Variants in DIAPH2 observed in about 807,000 individuals in gnomAD.
DIAPH2 encodes protein diaphanous homolog 2.
In DIAPH2, 35 loss-of-function variants were observed where a neutral mutation model predicts 92.7. The ratio of observed to expected loss-of-function variants is 0.38; its 90% CI spans 0.29 to 0.50. DIAPH2 has a LOEUF of 0.50. Among genes scored for constraint, DIAPH2 ranks in the 20% least tolerant of loss-of-function variants. The pLI, the probability that DIAPH2 is intolerant of heterozygous loss-of-function variation, is 0.94. For missense variants in DIAPH2, 701 were observed against 819.5 expected (o/e 0.86, Z 1.77); for synonymous variants, 301 against 280.4 (o/e 1.07, Z -0.73).
intron 26 of DIAPH2, among the ~76,000 whole-genome samples, chrX:97,445,987 T>C (rs1384614671): frequency 9.2e-6 from 1 of 109,153 alleles, no homozygotes. Flanking sequence ...ATTGTTCTAA[T>C]CTTGGTGGGG....
At chrX:97,569,785 T>C (rs2071351885) in intron 26 of DIAPH2, among the ~76,000 whole-genome samples, 1 of 109,284 alleles carries the variant, frequency 9.2e-6, no homozygotes, top group South Asian at 3.9e-4. Flanking sequence ...AAATATATAA[T>C]TTATCAAAGC....
At chrX:97,042,199 T>C (rs1302009233) in intron 17 of DIAPH2, among the ~76,000 whole-genome samples, 2 of 112,075 alleles carry the variant, frequency 1.8e-5, no homozygotes, top group Non-Finnish European at 1.9e-5. Context: ...AGAGACCAAG[T>C]TGAAGTTCTT....
chrX:96,880,884 A>G (rs1390045335), intron 4 of DIAPH2, among the ~76,000 whole-genome samples: 1 of 111,619 alleles, frequency 9.0e-6, no homozygotes, highest in Non-Finnish European at 1.9e-5. Flanking sequence ...CTGTGATGAG[A>G]TGAGTTCTAG....
intron 4 of DIAPH2, among the ~76,000 whole-genome samples, chrX:96,819,178 G>A (rs1186310911): frequency 8.9e-6 from 1 of 111,984 alleles, no homozygotes; most frequent in Non-Finnish European, 1.9e-5. Flanking sequence ...AGGACAGTGT[G>A]CACTGTTATT....
At chrX:96,854,727 G>T (rs1209052312) in intron 4 of DIAPH2, among the ~76,000 whole-genome samples, 1 of 101,946 alleles carries the variant, frequency 9.8e-6, no homozygotes, top group African/African-American at 3.5e-5. Flanking sequence ...GAGAGGATTT[G>T]TATGCCAGGT....
intron 1 of DIAPH2, among the ~76,000 whole-genome samples, chrX:96,722,960 A>G (rs1045350765): frequency 1.2e-4 from 13 of 111,893 alleles, no homozygotes; most frequent in African/African-American, 1.6e-4. Context: ...TTATGTTTGT[A>G]GCTTTGAGTC....
chrX:97,533,272 A>G (rs183361740), intron 26 of DIAPH2: 4 of 111,327 alleles, frequency 3.6e-5, no homozygotes, highest in Admixed American at 9.6e-5. Flanking sequence ...CATCTAATCA[A>G]CCATCCATGT....
intron 23 of DIAPH2, among the ~76,000 whole-genome samples, chrX:97,297,331 C>T (rs952534576): frequency 1.8e-5 from 2 of 109,548 alleles, no homozygotes; most frequent in Admixed American, 1.0e-4. Flanking sequence ...CGCAGAGTTG[C>T]TTCATTTTAA....
At chrX:97,238,499 G>A (rs969927638) in intron 22 of DIAPH2, among the ~76,000 whole-genome samples, 2 of 110,723 alleles carry the variant, frequency 1.8e-5, no homozygotes, top group African/African-American at 6.5e-5. Flanking sequence ...CACATATTTA[G>A]AATGCACATT....
At chrX:96,757,308 TTGTATA>T (rs2064237604) in intron 3 of DIAPH2, among the ~76,000 whole-genome samples, 1 of 111,773 alleles carries the variant, frequency 8.9e-6, no homozygotes, top group Non-Finnish European at 1.9e-5. Context: ...TAAAAGTTCT[TTGTATA>T]TCTGGGTACA....
At chrX:96,752,150 T>C (rs73250730) in intron 3 of DIAPH2, among the ~76,000 whole-genome samples, 6,629 of 111,466 alleles carry the variant, frequency 0.059, 207 homozygotes, top group Middle Eastern at 0.15. Flanking sequence ...TTAGCTTTAT[T>C]ATTGTATTAT....
chrX:96,685,729 CCTT>C (rs1569365334), intron 1 of DIAPH2, among the ~76,000 whole-genome samples: 2 of 112,042 alleles, frequency 1.8e-5, no homozygotes, highest in African/African-American at 3.3e-5. Context: ...TTTTCCTCCT[CCTT>C]GCCTCTCTCC....
At chrX:96,759,496 C>G (rs1271955273) in intron 4 of DIAPH2, among the ~76,000 whole-genome samples, 3 of 111,672 alleles carry the variant, frequency 2.7e-5, no homozygotes, top group Non-Finnish European at 5.7e-5. Flanking sequence ...TTAGGTGATG[C>G]ATAGGGTTTT....
At position 97,470,709 on chromosome X, in the gene DIAPH2, A is replaced by C. The variant is rs1450209791; in HGVS notation, c.3241+40964A>C. Among the ~76,000 whole-genome samples the C allele has an allele frequency of 1.0e-4, 11 of 109,598 alleles. No individual in the cohort carries two copies. In the East Asian group the frequency reaches 3.1e-3, roughly 31 times the overall value. On this transcript the variant is annotated intron_variant, in intron 26 of 26. Transcript: ENST00000324765. ...CTGTGTTAAGAAAAAAAAAAAAAAC[A>C]ACCACGCAAGAGACTCGGCTCTTGG...
intron 23 of DIAPH2, among the ~76,000 whole-genome samples, chrX:97,269,077 G>T (rs180789800): frequency 9.0e-6 from 1 of 110,683 alleles, no homozygotes; most frequent in Non-Finnish European, 1.9e-5. Flanking sequence ...AGCTGGCCTC[G>T]ATCTCCTGAC....
chrX:97,190,586 C>T (rs916582121), intron 22 of DIAPH2, among the ~76,000 whole-genome samples: 3 of 111,433 alleles, frequency 2.7e-5, no homozygotes, highest in African/African-American at 9.8e-5. Context: ...TGGTGGCTCA[C>T]GCCTGTAATC....
intron 22 of DIAPH2, among the ~76,000 whole-genome samples, chrX:97,187,597 A>G (rs1484593921): frequency 9.1e-6 from 1 of 110,438 alleles, no homozygotes; most frequent in Non-Finnish European, 1.9e-5. Flanking sequence ...ATTATCTTCC[A>G]TATGAAATGT....
At chrX:96,755,301 T>C (rs972959763) in intron 3 of DIAPH2, among the ~76,000 whole-genome samples, 2 of 112,010 alleles carry the variant, frequency 1.8e-5, no homozygotes, top group Non-Finnish European at 1.9e-5. Context: ...ATTCAATAGA[T>C]AGATGCAATT....
At chrX:97,137,270 C>CATATATATATATATATATATATATATAT (rs57799375) in intron 21 of DIAPH2, among the ~76,000 whole-genome samples, 6 of 68,257 alleles carry the variant, frequency 8.8e-5, no homozygotes, top group African/African-American at 1.2e-4. Context: ...CGCAGTTATA[C>CATATATATATATATATATATATATATAT]ATATATATAT....
Sources: gnomAD v4.1 joint callset for allele counts (sites outside exome capture counted in the v4.1 genomes callset) on GRCh38, gnomAD v4.1.1 for gene constraint, MANE v1.5 for transcripts, NCBI Gene and HGNC (gene_info 2026-07-23, HGNC 2026-07-21) for gene names.